The following SLC16A9 variants were observed in gnomAD, a reference collection of about 807,000 sequenced individuals.
The protein encoded by SLC16A9 is monocarboxylate transporter 9.
SLC16A9 carries 26 observed loss-of-function variants against 44.3 expected under a neutral mutation model. That is an observed-to-expected ratio of 0.59 (90% CI 0.43 to 0.81). The LOEUF (loss-of-function observed/expected upper bound fraction) is 0.81. Among genes scored for constraint, SLC16A9 ranks in the 40% least tolerant of loss-of-function variants. The pLI, the probability that SLC16A9 is intolerant of heterozygous loss-of-function variation, is 0.00. For missense variants in SLC16A9, 559 were observed against 595.8 expected, an observed-to-expected ratio of 0.94 and a Z score of 0.64; for synonymous variants, 230 against 225.1, an observed-to-expected ratio of 1.02 and a Z score of -0.19.
intron 1 of SLC16A9, among the ~76,000 whole-genome samples, chr10:59,693,675 A>G (rs1035182753): frequency 2.6e-5 from 4 of 152,116 alleles, no homozygotes; most frequent in Admixed American, 2.0e-4. Context: ...GCTGGAGTGC[A>G]GTGGCGTGAT....
At position 59,681,815 on chromosome 10, in the gene SLC16A9, T is replaced by TG. The variant is rs3043426; in HGVS notation, c.196+2280_196+2281insC. 8.9e-4 allele frequency among the ~76,000 whole-genome samples: 32 copies of TG among 36,144 alleles called. 1 individual carries two copies. The highest frequency in any genetic ancestry group is 3.1e-3 in the African/African-American group (31 of 9,856). 23.7% of individuals were successfully genotyped at this position (36,144 alleles called of 152,430 possible). On this transcript the variant is annotated intron_variant, in intron 2 of 5. Transcript: ENST00000395348. ...ATGTATATGTATATGTATATGTATA[T>TG]ATGATGTATATGTATATGTATATGA...
chr10:59,705,011 G>T (rs1438068172), intron 1 of SLC16A9, among the ~76,000 whole-genome samples: 1 of 152,070 alleles, frequency 6.6e-6, no homozygotes, highest in Non-Finnish European at 1.5e-5. Flanking sequence ...GAGTTTATTG[G>T]GAATCATGAG....
chr10:59,661,034 G>A (rs1359102109), intron 4 of SLC16A9, among the ~76,000 whole-genome samples: 2 of 151,964 alleles, frequency 1.3e-5, no homozygotes, highest in African/African-American at 2.4e-5. Flanking sequence ...CTGACAAACC[G>A]ACAGCCAATA....
At chr10:59,678,240 T>C (rs1839902679) in intron 2 of SLC16A9, among the ~76,000 whole-genome samples, 3 of 151,978 alleles carry the variant, frequency 2.0e-5, no homozygotes, top group South Asian at 4.2e-4. Flanking sequence ...AAGGATTTCC[T>C]AACAGAGTGG....
intron 2 of SLC16A9, among the ~76,000 whole-genome samples, chr10:59,681,749 TGTATATGTATATG>T (rs1840018868): frequency 1.0e-4 from 4 of 38,124 alleles, no homozygotes; most frequent in African/African-American, 3.2e-4. Flanking sequence ...ATGATGTATA[TGTATATGTATATG>T]ATGTATATGT....
chr10:59,664,385 G>A (rs1839559653), intron 3 of SLC16A9, 63 bp from the exon 4 acceptor site: 6 of 1,127,380 alleles, frequency 5.3e-6, no homozygotes, highest in South Asian at 2.7e-5. Context: ...AGAGAAAAAA[G>A]GAAAAACAAG....
chr10:59,698,009 TG>T (rs1448152132), intron 1 of SLC16A9, among the ~76,000 whole-genome samples: 6 of 149,878 alleles, frequency 4.0e-5, no homozygotes, highest in Non-Finnish European at 5.9e-5. Flanking sequence ...CCTCAATAAA[TG>T]TTAGCTATTA....
At chr10:59,664,722 A>G (rs73265508) in intron 3 of SLC16A9, among the ~76,000 whole-genome samples, 11,628 of 152,174 alleles carry the variant, frequency 0.076, 617 homozygotes, top group African/African-American at 0.13. Context: ...TCCTCTTCTA[A>G]GTCCTCTAAA....
chr10:59,679,499 G>A (rs573722835), intron 2 of SLC16A9, among the ~76,000 whole-genome samples: 5 of 152,268 alleles, frequency 3.3e-5, no homozygotes, highest in African/African-American at 1.2e-4. Flanking sequence ...CTCAGGGATA[G>A]GCTGCAGCTA....
intron 1 of SLC16A9, among the ~76,000 whole-genome samples, chr10:59,687,206 C>G (rs117383028): frequency 0.037 from 5,704 of 152,174 alleles, 162 homozygotes; most frequent in Non-Finnish European, 0.042. Flanking sequence ...TGCCTGGCCC[C>G]TAATTTCCTT....
intron 1 of SLC16A9, among the ~76,000 whole-genome samples, chr10:59,701,048 A>G (rs867905654): frequency 6.6e-6 from 1 of 152,174 alleles, no homozygotes; most frequent in African/African-American, 2.4e-5. Flanking sequence ...TTCCATGTCA[A>G]GATCTCAACT....
intron 4 of SLC16A9, among the ~76,000 whole-genome samples, chr10:59,657,238 A>G (rs957793741): frequency 3.9e-5 from 6 of 152,190 alleles, no homozygotes; most frequent in African/African-American, 1.2e-4. Flanking sequence ...GTAAAAACCA[A>G]TTGTAGCTTG....
At chr10:59,671,946 T>C (rs74456905) in intron 3 of SLC16A9, among the ~76,000 whole-genome samples, 4,542 of 152,246 alleles carry the variant, frequency 0.03, 216 homozygotes, top group African/African-American at 0.1. Flanking sequence ...CAGTGAATAT[T>C]AGTTGCTACA....
Position 59,681,792 on chromosome 10 carries a change from G to A in SLC16A9, c.196+2304C>T, listed in dbSNP as rs1327770553. On this transcript the variant is annotated intron_variant, in intron 2 of 5. Transcript: ENST00000395348. ...ATATGTATATGTATATGATGTATAT[G>A]TATATGTATATGTATATGTATATAT... is the stretch of plus-strand genomic sequence containing the variant. Among the ~76,000 whole-genome samples, 2 of 38,584 alleles carry A rather than the reference G, an allele frequency of 5.2e-5. 1 individual carries two copies. The highest frequency in any genetic ancestry group is 1.6e-4 in the African/African-American group (2 of 12,504). The allele number at this position is 38,584 out of a possible 152,430, so 25.3% of individuals were successfully genotyped here.
intron 4 of SLC16A9, among the ~76,000 whole-genome samples, chr10:59,663,034 C>A (rs562249824): frequency 6.6e-6 from 1 of 152,096 alleles, no homozygotes; most frequent in African/African-American, 2.4e-5. Flanking sequence ...CCAACCCAAA[C>A]GTCCATCAAT....
At chr10:59,696,366 G>A (rs1840374464) in intron 1 of SLC16A9, among the ~76,000 whole-genome samples, 1 of 152,224 alleles carries the variant, frequency 6.6e-6, no homozygotes, top group Non-Finnish European at 1.5e-5. Context: ...TCGGCCTCCC[G>A]AGTTGCCGGG....
intron 1 of SLC16A9, among the ~76,000 whole-genome samples, chr10:59,696,609 G>C (rs1470040058): frequency 6.6e-6 from 1 of 150,606 alleles, no homozygotes; most frequent in African/African-American, 2.4e-5. Flanking sequence ...TGCCCAGTCT[G>C]GAAAGTGAGG....
Position 59,652,810 on chromosome 10 carries a change from GA to G in SLC16A9, c.1491del (p.Pro498GlnfsTer32), listed in dbSNP as rs760482117. The G allele has an allele frequency of 1.2e-6, 2 of 1,612,518 alleles. No individual in the cohort carries two copies. Among genetic ancestry groups the G allele is most frequent in the Admixed American group, 3.4e-5 (2 of 59,678 alleles). ...GCAACTTTGTACAAGAAAGTTGTTGGAGCTGGCTTGGGGAGTTGCTTGTTGC... is the reference window on the plus strand; with the variant it reads ...GCAACTTTGTACAAGAAAGTTGTTGGGCTGGCTTGGGGAGTTGCTTGTTGC... ...DTCNKQLPKPAPTTFLYKVAS... is the reference protein window; with the variant it reads ...DTCNKQLPKPXPTTFLYKVAS... On this transcript the variant is annotated frameshift_variant, in exon 6 of 6. Transcript: ENST00000395348. LOFTEE classifies it high-confidence loss of function.
chr10:59,659,809 C>A (rs956044588), intron 4 of SLC16A9, among the ~76,000 whole-genome samples: 1 of 152,118 alleles, frequency 6.6e-6, no homozygotes, highest in Non-Finnish European at 1.5e-5. Flanking sequence ...TCTCTCAGAC[C>A]ACAGTGCAAT....
Sources: gnomAD v4.1 joint callset for allele counts (sites outside exome capture counted in the v4.1 genomes callset) on GRCh38, gnomAD v4.1.1 for gene constraint, MANE v1.5 for transcripts, NCBI Gene and HGNC (gene_info 2026-07-23, HGNC 2026-07-21) for gene names.